CLCNKB: variants seen among roughly 807,000 people sequenced by gnomAD.
The protein encoded by CLCNKB is chloride voltage-gated channel Kb.
CLCNKB carries 74 observed loss-of-function variants against 83.8 expected under a neutral mutation model. The ratio of observed to expected loss-of-function variants is 0.88; its 90% CI spans 0.73 to 1.07. CLCNKB has a LOEUF of 1.07. CLCNKB is among the 50% of genes least tolerant of loss of function. The pLI, the probability that CLCNKB is intolerant of heterozygous loss-of-function variation, is 0.00. For synonymous variants in CLCNKB, 358 were observed against 356.6 expected (o/e 1.00, Z -0.04); for missense variants, 798 against 893.6 (o/e 0.89, Z 1.36).
rs201499472 is a variant in CLCNKB, at chr1:16,046,682, C to T, written c.358+19C>T. 396 of 1,598,420 alleles carry T rather than the reference C, an allele frequency of 2.5e-4. 1 individual carries two copies. Among genetic ancestry groups the T allele is most frequent in the South Asian group, 2.2e-3 (195 of 89,760 alleles). ...TCTGGAGGTGAGTCCACAGTCGCTA[C>T]GCCAGTCCCCACTGGCCAAAACCTT... On this transcript the variant is annotated intron_variant, in intron 4 of 19. Coordinates refer to ENST00000375679, the MANE Select transcript of CLCNKB (RefSeq NM_000085.5).
intron 4 of CLCNKB, 65 bp downstream of exon 4, chr1:16,046,728 C>A (rs1186922281): frequency 1.9e-6 from 3 of 1,591,008 alleles, no homozygotes; most frequent in Non-Finnish European, 2.6e-6. Flanking sequence ...AGGGGGGAGT[C>A]GGGAAGGGGC....
At position 16,047,905 on chromosome 1, in the gene CLCNKB, G is replaced by T. The variant is rs1057521154; in HGVS notation, c.359G>T (p.Gly120Val). The change falls in exon 5 of 20, where the codon GGT becomes GTT. Residue 120 changes from glycine to valine, a missense_variant and splice_region_variant. Gly to Val is a moderately radical substitution (Grantham distance 109, BLOSUM62 -3). Coordinates refer to ENST00000375679, the MANE Select transcript of CLCNKB (RefSeq NM_000085.5). ...CCTGGCCCTGCCCACCCCCGCCAAGGTTCTGGAATCCCGGAGGTGAAGACC... is the reference window on the plus strand; with the variant it reads ...CCTGGCCCTGCCCACCCCCGCCAAGTTTCTGGAATCCCGGAGGTGAAGACC... ...FSQSITPSSG[G>V]SGIPEVKTML... is the part of the protein sequence containing the mutation. 1.2e-6 allele frequency: 2 copies of T among 1,613,564 alleles called. No homozygotes were observed. Among genetic ancestry groups the T allele is most frequent in the Middle Eastern group, 1.8e-4 (1 of 5,656 alleles).
intron 12 of CLCNKB, 131 bp from the exon 13 acceptor site, chr1:16,051,347 C>G: frequency 8.2e-7 from 1 of 1,221,544 alleles, no homozygotes; most frequent in Admixed American, 1.7e-5. Context: ...TAATGCCAGA[C>G]TCTGGCAGTG....
chr1:16,055,572 G>A (rs1329386795), intron 17 of CLCNKB, 49 bp downstream of exon 17: 1 of 1,537,008 alleles, frequency 6.5e-7, no homozygotes, highest in Non-Finnish European at 9.0e-7. Context: ...GGGTCAGCAG[G>A]AATGGGAGGA....
intron 16 of CLCNKB, among the ~76,000 whole-genome samples, chr1:16,055,182 G>A (rs1467723752): frequency 6.6e-6 from 1 of 152,096 alleles, no homozygotes; most frequent in Non-Finnish European, 1.5e-5. Flanking sequence ...CTCAGTGGTG[G>A]CCAGGGTCCC....
chr1:16,054,144 C>T (rs1173331366), intron 16 of CLCNKB, among the ~76,000 whole-genome samples: 1 of 152,188 alleles, frequency 6.6e-6, no homozygotes, highest in Non-Finnish European at 1.5e-5. Flanking sequence ...ACAAGGAAAA[C>T]ATCTCTTTAG....
In CLCNKB at chr1:16,045,697, C is replaced by T. The variant is rs1287486807; in HGVS notation, c.229+11C>T. ...AGAGTGTGGTCCGAGGTAACCCCTC[C>T]ATGGCAGGTGCTGCTCTGGGCCAAG... On this transcript the variant is annotated intron_variant, in intron 3 of 19. Coordinates refer to ENST00000375679, the MANE Select transcript of CLCNKB (RefSeq NM_000085.5). 2 of 1,611,534 alleles carry T rather than the reference C, an allele frequency of 1.2e-6. No homozygotes were observed. The highest frequency in any genetic ancestry group is 1.7e-6 in the Non-Finnish European group (2 of 1,178,452).
rs1177269492 is a variant in CLCNKB at position 16,044,476 on chromosome 1, G to A, written c.-7-10G>A. 3.8e-6 allele frequency: 6 copies of A among 1,589,694 alleles called. No individual in the cohort carries two copies. The highest frequency in any genetic ancestry group is 5.1e-6 in the Non-Finnish European group (6 of 1,168,852). On this transcript the variant is annotated splice_polypyrimidine_tract_variant and intron_variant, in intron 1 of 19. Transcript: ENST00000375679. ...CTCACCGCGGTCCCTCCCTCTATCC[G>A]CTTCTCCAGGGGCCTGATGGAGGAG...
In CLCNKB at chr1:16,053,754, C is replaced by A. The variant is rs910445039; in HGVS notation, c.1738C>A (p.Pro580Thr). The A allele has an allele frequency of 6.2e-7, 1 of 1,613,664 alleles. No individual in the cohort carries two copies. Among genetic ancestry groups the A allele is most frequent in the Non-Finnish European group, 8.5e-7 (1 of 1,179,962 alleles). The change falls in exon 16 of 20, where the codon CCC becomes ACC. Residue 580 changes from proline to threonine, a missense_variant. Coordinates refer to ENST00000375679, the MANE Select transcript of CLCNKB (RefSeq NM_000085.5). ...VVTSTDVAKY[P>T]LVESTESQIL... ...GACCTCCACAGACGTGGCCAAGTAT[C>A]CCCTGGTGGAGAGCACAGGTGCCCA... is the stretch of plus-strand genomic sequence containing the variant.
Position 16,046,529 on chromosome 1 carries a change from C to A in CLCNKB, c.230-6C>A, listed in dbSNP as rs534860798. The A allele has an allele frequency of 1.4e-5, 22 of 1,613,730 alleles. No individual in the cohort carries two copies. The highest frequency in any genetic ancestry group is 9.3e-5 in the African/African-American group (7 of 75,040). On this transcript the variant is annotated splice_region_variant and splice_polypyrimidine_tract_variant and intron_variant, in intron 3 of 19. Transcript: ENST00000375679. ...GGGTGCCTCCCTGATACCCGGCTGT[C>A]CCCAGCGCACCAGTGGCTGTACAGG...
At chr1:16,051,189 C>A in intron 12 of CLCNKB, 141 bp downstream of exon 12, 1 of 1,339,370 alleles carries the variant, frequency 7.5e-7, no homozygotes, top group Non-Finnish European at 1.0e-6. Context: ...TTGCATGGTC[C>A]TGGACAAGTG....
In CLCNKB at chr1:16,047,895, C is replaced by G; in HGVS notation, c.359-10C>G. On this transcript the variant is annotated splice_polypyrimidine_tract_variant and intron_variant, in intron 4 of 19. Coordinates refer to ENST00000375679, the MANE Select transcript of CLCNKB (RefSeq NM_000085.5). The stretch of plus-strand genomic sequence containing the variant: ...TTGTCCCCCTCCTGGCCCTGCCCAC[C>G]CCCGCCAAGGTTCTGGAATCCCGGA... The G allele has an allele frequency of 6.2e-7, 1 of 1,613,256 alleles. No individual in the cohort carries two copies. Among genetic ancestry groups the G allele is most frequent in the African/African-American group, 1.3e-5 (1 of 74,986 alleles).
chr1:16,044,377 A>ACACACACACACACG (rs1422179809), intron 1 of CLCNKB, 109 bp from the exon 2 acceptor site: 100 of 830,126 alleles, frequency 1.2e-4, no homozygotes, highest in Non-Finnish European at 1.7e-4. Flanking sequence ...ACACACACAC[A>ACACACACACACACG]CGCACAATCT....
At chr1:16,048,792 A>G (rs908811104) in intron 7 of CLCNKB, 2 of 1,451,130 alleles carry the variant, frequency 1.4e-6, no homozygotes, top group South Asian at 1.5e-5. Flanking sequence ...TCAGTGTAAC[A>G]TTATACAGAC....
At chr1:16,056,824 C>A in intron 19 of CLCNKB, 45 bp from the exon 20 acceptor site, 4 of 891,256 alleles carry the variant, frequency 4.5e-6, no homozygotes, top group East Asian at 2.8e-5. Flanking sequence ...CCCTCACAAC[C>A]TCCTCTACAT....
chr1:16,055,330 C>T (rs1017878766), intron 16 of CLCNKB, 105 bp from the exon 17 acceptor site: 3 of 902,748 alleles, frequency 3.3e-6, no homozygotes, highest in African/African-American at 3.3e-5. Context: ...TCACAATAGC[C>T]CCATAGGAAC....
rs553594726 is a variant in CLCNKB at position 16,052,363 on chromosome 1, T to C, written c.1574T>C (p.Ile525Thr). The C allele has an allele frequency of 6.4e-5, 104 of 1,613,226 alleles. No individual in the cohort carries two copies. The highest frequency in any genetic ancestry group is 2.7e-4 in the Admixed American group (16 of 60,030). The stretch of plus-strand genomic sequence containing the variant: ...CCCTCCTTCTATGATGGCACCGTCA[T>C]TGTCAAGAAGCTGCCATACCTGCCA... Reference protein sequence around the residue: ...CQPSFYDGTVIVKKLPYLPRI... With the variant: ...CQPSFYDGTVTVKKLPYLPRI... The change falls in exon 15 of 20, where the codon ATT (isoleucine) becomes ACT (threonine). Residue 525 changes from isoleucine to threonine, a missense_variant. Ile to Thr is a moderately conservative substitution (Grantham distance 89, BLOSUM62 -1). Coordinates refer to ENST00000375679, the MANE Select transcript of CLCNKB (RefSeq NM_000085.5).
In CLCNKB at chr1:16,049,253, C is replaced by A. The variant is rs573786825; in HGVS notation, c.781+8C>A. The A allele has an allele frequency of 1.3e-5, 21 of 1,613,366 alleles. No individual in the cohort carries two copies. In the South Asian group the frequency reaches 2.3e-4, roughly 18 times the overall value. On this transcript the variant is annotated splice_region_variant and intron_variant, in intron 8 of 19. Transcript: ENST00000375679. ...TCTTCAACAGCGAGCAGGGTGAGCC[C>A]CCTGGGCTGCCTGACCCTGGCCCTG...
At chr1:16,050,442 G>A (rs1456308458) in intron 10 of CLCNKB, 74 bp from the exon 11 acceptor site, 2 of 1,517,358 alleles carry the variant, frequency 1.3e-6, no homozygotes, top group Non-Finnish European at 1.8e-6. Flanking sequence ...TCCTTGCCTT[G>A]CTAGGCCCTG....
Sources: gnomAD v4.1 joint callset for allele counts (sites outside exome capture counted in the v4.1 genomes callset) on GRCh38, gnomAD v4.1.1 for gene constraint, MANE v1.5 for transcripts, NCBI Gene and HGNC (gene_info 2026-07-23, HGNC 2026-07-21) for gene names.